Variants in MYH2 observed in about 807,000 individuals in gnomAD.
MYH2 encodes the protein myosin heavy chain 2.
A neutral mutation model predicts 228.1 loss-of-function variants in MYH2; 139 were observed. The observed-to-expected ratio is 0.61, with a 90% CI of 0.53 to 0.70. The LOEUF is 0.70. Ranked by LOEUF, MYH2 falls within the 30% of genes least tolerant of loss-of-function variation. The pLI is 0.00. For synonymous variants in MYH2, 796 were observed against 871.1 expected (o/e 0.91, Z 1.52); for missense variants, 1,809 against 2,357.5 (o/e 0.77, Z 4.82).
In MYH2 at chr17:10,527,746, A is replaced by G. The variant is rs2073371402; in HGVS notation, c.3871+2T>C. 1 of 1,614,074 alleles carries G rather than the reference A, an allele frequency of 6.2e-7. No homozygotes were observed. ...AAGCTGCACAGAAGAGGGGAGAGTT[A>G]CCAGATTCAGTCTGCAGGCGCCCCC... is the stretch of plus-strand genomic sequence containing the variant. On this transcript the variant is annotated splice_donor_variant, in intron 28 of 39. Coordinates refer to ENST00000245503, the MANE Select transcript of MYH2 (RefSeq NM_017534.6). LOFTEE classifies it high-confidence loss of function.
rs532500892 is a variant in MYH2, at chr17:10,535,743, C to T, written c.1975-378G>A. 7.2e-5 allele frequency among the ~76,000 whole-genome samples: 11 copies of T among 152,312 alleles called. No individual in the cohort carries two copies. In the East Asian group the frequency reaches 1.4e-3, roughly 19 times the overall value. Reference sequence around the variant, plus strand: ...TAGTTCTCCAATAAGGAAATGGAAGCCTGCACCACATTTGGACGTTTTCCT... The same window carrying T: ...TAGTTCTCCAATAAGGAAATGGAAGTCTGCACCACATTTGGACGTTTTCCT... On this transcript the variant is annotated intron_variant, in intron 17 of 39. Coordinates refer to ENST00000245503, the MANE Select transcript of MYH2 (RefSeq NM_017534.6).
In MYH2 at chr17:10,529,903, T is replaced by C. The variant is rs552383606; in HGVS notation, c.2869A>G (p.Lys957Glu). ...AGCTCAAGGTCATCAATGTCTTTCT[T>C]GAGTTCTGAACATTCATCCTCCAGT... is the stretch of plus-strand genomic sequence containing the variant. ...RKLEDECSEL[K>E]KDIDDLELTL... Residue 957 changes from lysine to glutamate, a missense_variant, in exon 23 of 40, where the codon AAG (lysine) becomes GAG (glutamate). By Grantham distance (56) the Lys-to-Glu change is moderately conservative. Coordinates refer to ENST00000245503, the MANE Select transcript of MYH2 (RefSeq NM_017534.6). 4.3e-6 allele frequency: 7 copies of C among 1,613,178 alleles called. No individual in the cohort carries two copies. The African/African-American group carries it at 6.7e-5, about 15-fold the overall frequency.
rs749647884 is a variant in MYH2 at position 10,537,582 on chromosome 17, T to G, written c.1588-40A>C. 1 of 1,614,034 alleles carries G rather than the reference T, an allele frequency of 6.2e-7. No homozygotes were observed. The highest frequency in any genetic ancestry group is 1.3e-5 in the African/African-American group (1 of 74,996). On this transcript the variant is annotated intron_variant, in intron 15 of 39. Coordinates refer to ENST00000245503, the MANE Select transcript of MYH2 (RefSeq NM_017534.6). This position sits in a 1 kb window ranked among gnomAD's most constrained non-coding sequence, Gnocchi z 4.0. ...ACAACACAAAATTGTACTTCTATTT[T>G]TTTTTCTGTCTATAGAATTAAAATA... is the stretch of plus-strand genomic sequence containing the variant.
intron 4 of MYH2, among the ~76,000 whole-genome samples, 188 bp downstream of exon 4, chr17:10,547,287 T>C (rs1278779024): frequency 6.6e-6 from 1 of 152,072 alleles, no homozygotes; most frequent in Non-Finnish European, 1.5e-5. Context: ...CAGCTTTGGA[T>C]GGGAAAACAA....
chr17:10,543,879 C>A, intron 7 of MYH2, 23 bp downstream of exon 7: 1 of 1,614,172 alleles, frequency 6.2e-7, no homozygotes, highest in Non-Finnish European at 8.5e-7. Flanking sequence ...AGTCTGGATT[C>A]TGACTGTGAC....
Position 10,539,345 on chromosome 17 carries a change from C to A in MYH2, c.1276G>T (p.Ala426Ser). 6.2e-7 allele frequency: 1 copy of A among 1,614,152 alleles called. No individual in the cohort carries two copies. The highest frequency in any genetic ancestry group is 8.5e-7 in the Non-Finnish European group (1 of 1,180,028). Reference protein sequence around the residue: ...KGQTVEQVSNAVGALAKAVYE... With the variant: ...KGQTVEQVSNSVGALAKAVYE... ...ACGGCTTTGGCCAGAGCACCTACTG[C>A]GTTGGACACCTTAAAAGACAAAATT... Residue 426 changes from alanine to serine, a missense_variant, in exon 14 of 40, where the codon GCA becomes TCA. This residue lies in a region of MYH2 where 373 missense variants were observed against 620.4 expected (regional missense o/e 0.60). Transcript: ENST00000245503.
intron 39 of MYH2, among the ~76,000 whole-genome samples, 165 bp from the exon 40 acceptor site, chr17:10,521,597 A>G (rs2073285582): frequency 1.3e-5 from 2 of 151,628 alleles, no homozygotes; most frequent in Admixed American, 1.3e-4. Context: ...ATATATATAT[A>G]TATACACACA....
At position 10,527,763 on chromosome 17, in the gene MYH2, G is replaced by T; in HGVS notation, c.3856C>A (p.Leu1286Met). The change falls in exon 28 of 40, where the codon CTG (leucine) becomes ATG (methionine). Residue 1286 changes from leucine to methionine, a missense_variant. Transcript: ENST00000245503. ...INDLTAQRGR[L>M]QTESGEFSRQ... ...GGAGAGTTACCAGATTCAGTCTGCA[G>T]GCGCCCCCTCTGCGCAGTCAGGTCA... is the stretch of plus-strand genomic sequence containing the variant. 1.9e-6 allele frequency: 3 copies of T among 1,614,122 alleles called. No individual in the cohort carries two copies. In the South Asian group the frequency reaches 3.3e-5, roughly 18 times the overall value.
At chr17:10,534,055 A>G (rs969293787) in intron 19 of MYH2, among the ~76,000 whole-genome samples, 3 of 152,196 alleles carry the variant, frequency 2.0e-5, no homozygotes, top group African/African-American at 7.2e-5. Context: ...TCAAACTTAG[A>G]CATGCTTTGG....
chr17:10,543,070 A>C (rs779622205), intron 9 of MYH2, 28 bp downstream of exon 9: 8 of 1,603,504 alleles, frequency 5.0e-6, no homozygotes, highest in Non-Finnish European at 6.8e-6. Context: ...TGAATCAGAA[A>C]TGATTTTAAA....
chr17:10,524,585 G>T lies in MYH2; in HGVS notation c.5056C>A (p.Leu1686Met), dbSNP rs796521686. 3 of 1,614,212 alleles carry T rather than the reference G, an allele frequency of 1.9e-6. No individual in the cohort carries two copies. The African/African-American group carries it at 4.0e-5, about 22-fold the overall frequency. Residue 1686 changes from leucine (L) to methionine (M), a missense_variant, in exon 35 of 40, where the codon CTG becomes ATG. Transcript: ENST00000245503. The surrounding 1 kb of genome is among the most constrained non-coding windows in gnomAD (Gnocchi z 4.7). ...AGCTCCTCGATCTCAGCCTGCAGCAGGTTGGCTCTGCGCTCCACCATGGCC... is the reference window on the plus strand; with the variant it reads ...AGCTCCTCGATCTCAGCCTGCAGCATGTTGGCTCTGCGCTCCACCATGGCC... ...QLAMVERRAN[L>M]LQAEIEELRA...
rs774650395 is a variant in MYH2 at position 10,533,269 on chromosome 17, A to T, written c.2441+16T>A. 5 of 1,613,882 alleles carry T rather than the reference A, an allele frequency of 3.1e-6. No individual in the cohort carries two copies. In the Admixed American group the frequency reaches 5.0e-5, roughly 16 times the overall value. On this transcript the variant is annotated intron_variant, in intron 21 of 39. Coordinates refer to ENST00000245503, the MANE Select transcript of MYH2 (RefSeq NM_017534.6). ...TTTTTGAAGATGGAATATGTGAATA[A>T]ACATATTTTTTATACCTTCTCTCCA...
At chr17:10,522,972 A>G in intron 39 of MYH2, 118 bp downstream of exon 39, 1 of 723,508 alleles carries the variant, frequency 1.4e-6, no homozygotes, top group South Asian at 1.6e-5. Flanking sequence ...GAATTATTGT[A>G]CAAAAACAAA....
chr17:10,545,565 T>C lies in MYH2; in HGVS notation c.349-63A>G, dbSNP rs560740951. ...TCCTGTTATTTGTGAAATTAACTTA[T>C]TAATTGAATGTTTTTTTGAGACAGG... On this transcript the variant is annotated intron_variant, in intron 4 of 39. Coordinates refer to ENST00000245503, the MANE Select transcript of MYH2 (RefSeq NM_017534.6). 1.1e-5 allele frequency: 17 copies of C among 1,599,896 alleles called. No individual in the cohort carries two copies. The South Asian group carries it at 1.8e-4, about 17-fold the overall frequency.
intron 4 of MYH2, among the ~76,000 whole-genome samples, chr17:10,546,251 G>A (rs1212523121): frequency 4.5e-4 from 15 of 33,394 alleles, no homozygotes; most frequent in Admixed American, 2.7e-3. Flanking sequence ...AACAGGACAC[G>A]AAATGATATA....
At position 10,526,702 on chromosome 17, in the gene MYH2, C is replaced by T. The variant is rs772043473; in HGVS notation, c.4084G>A (p.Glu1362Lys). Residue 1362 changes from glutamate (E) to lysine (K), a missense_variant, in exon 30 of 40, where the codon GAG becomes AAG. Physicochemically the swap from Glu to Lys is moderately conservative, Grantham distance 56. Transcript: ENST00000245503. The part of the protein sequence containing the change: ...QYEEEQESKA[E>K]LQRALSKANT... ...GCCTTGGACAGTGCTCTCTGCAGCT[C>T]GGCCTTGGATTCCTGCTCCTCCTCA... The T allele has an allele frequency of 9.9e-6, 16 of 1,614,156 alleles. No homozygotes were observed. The highest frequency in any genetic ancestry group is 1.7e-4 in the Middle Eastern group (1 of 6,058).
intron 4 of MYH2, among the ~76,000 whole-genome samples, chr17:10,546,256 G>T (rs79627974): frequency 0.051 from 3,332 of 65,894 alleles, 178 homozygotes; most frequent in South Asian, 0.1. Context: ...GACACGAAAT[G>T]ATATATATAT....
At chr17:10,541,574 C>T (rs550218021) in intron 10 of MYH2, among the ~76,000 whole-genome samples, 3 of 152,306 alleles carry the variant, frequency 2.0e-5, no homozygotes, top group Admixed American at 1.3e-4. Flanking sequence ...CTCACCCTGC[C>T]TCCATTTGCC....
chr17:10,547,340 G>A, intron 4 of MYH2, 135 bp downstream of exon 4: 1 of 1,181,304 alleles, frequency 8.5e-7, no homozygotes, highest in Non-Finnish European at 1.3e-6. Context: ...TAGCAATCAT[G>A]AAGCCTTTTA....
Sources: allele counts gnomAD v4.1 joint callset (sites outside exome capture counted in the v4.1 genomes callset), GRCh38; gene constraint gnomAD v4.1.1; regional missense constraint gnomAD v4.1.1; non-coding constraint Gnocchi (gnomAD v3.1); transcripts MANE v1.5; gene names NCBI Gene and HGNC (gene_info 2026-07-23, HGNC 2026-07-21).